Variants in LCMT1 observed in about 807,000 individuals in gnomAD.
The protein encoded by LCMT1 is [Phosphatase 2A protein]-leucine-carboxy methyltransferase 1.
A neutral mutation model predicts 47.7 loss-of-function variants in LCMT1; 32 were observed. The ratio of observed to expected loss-of-function variants is 0.67; its 90% CI spans 0.51 to 0.90. The LOEUF (loss-of-function observed/expected upper bound fraction) is 0.90. LCMT1 is among the 40% of genes least tolerant of loss of function. The probability of loss-of-function intolerance (pLI) is 0.00; values close to 1 mark genes in which losing one functional copy is unlikely to be tolerated. For synonymous variants in LCMT1, 152 were observed against 149.7 expected (o/e 1.02, Z -0.11); for missense variants, 375 against 415.2 (o/e 0.90, Z 0.84).
intron 1 of LCMT1, among the ~76,000 whole-genome samples, chr16:25,122,554 C>CCTGG (rs1960024724): frequency 6.6e-6 from 1 of 152,004 alleles, no homozygotes; most frequent in Non-Finnish European, 1.5e-5. Flanking sequence ...GTCTTGAACT[C>CCTGG]CTGGGCTCAG....
chr16:25,164,374 A>G (rs890608449), intron 6 of LCMT1, among the ~76,000 whole-genome samples: 4 of 152,226 alleles, frequency 2.6e-5, no homozygotes, highest in African/African-American at 7.2e-5. Context: ...ACATGTTTTC[A>G]TTGCCACACA....
At chr16:25,169,305 C>T in intron 8 of LCMT1, 92 bp downstream of exon 8, 1 of 839,552 alleles carries the variant, frequency 1.2e-6, no homozygotes. Context: ...ATGGAGAAGC[C>T]CTGTTCAGTG....
chr16:25,157,474 G>A (rs972801594), intron 5 of LCMT1, among the ~76,000 whole-genome samples: 2 of 151,960 alleles, frequency 1.3e-5, no homozygotes, highest in African/African-American at 4.8e-5. Context: ...CTGGGGGGTC[G>A]AGGCTGTAAT....
chr16:25,159,670 T>C lies in LCMT1; in HGVS notation c.467-1432T>C, dbSNP rs1447460762. 2.0e-5 allele frequency among the ~76,000 whole-genome samples: 3 copies of C among 152,154 alleles called. No homozygotes were observed. In the East Asian group the frequency reaches 5.8e-4, roughly 29 times the overall value. On this transcript the variant is annotated intron_variant, in intron 5 of 10. Coordinates refer to ENST00000399069, the MANE Select transcript of LCMT1 (RefSeq NM_016309.3). ...GCTTTCCTGACATCTAGCAGGCTCTTAGGAGGTGTTTCTTTAGCTTATGGT... is the reference window on the plus strand; with the variant it reads ...GCTTTCCTGACATCTAGCAGGCTCTCAGGAGGTGTTTCTTTAGCTTATGGT...
chr16:25,173,021 G>A (rs902447297), intron 9 of LCMT1, among the ~76,000 whole-genome samples: 1 of 152,244 alleles, frequency 6.6e-6, no homozygotes, highest in Non-Finnish European at 1.5e-5. Flanking sequence ...CGGGTAAGGA[G>A]ATTGGAAGGC....
chr16:25,116,073 G>C (rs57044426), intron 1 of LCMT1, among the ~76,000 whole-genome samples: 7,052 of 152,248 alleles, frequency 0.046, 525 homozygotes, highest in African/African-American at 0.16. Context: ...AAACAAGCTG[G>C]GTTTATTACT....
At chr16:25,175,774 T>C (rs1961912738) in intron 10 of LCMT1, among the ~76,000 whole-genome samples, 1 of 152,136 alleles carries the variant, frequency 6.6e-6, no homozygotes, top group African/African-American at 2.4e-5. Flanking sequence ...TTTGGAACTT[T>C]GGGCCCAGAA....
At chr16:25,163,630 A>T (rs879477548) in intron 6 of LCMT1, among the ~76,000 whole-genome samples, 1 of 152,188 alleles carries the variant, frequency 6.6e-6, no homozygotes, top group African/African-American at 2.4e-5. Context: ...GAAAAGAAAT[A>T]TAAAATAGCT....
intron 5 of LCMT1, among the ~76,000 whole-genome samples, chr16:25,155,453 A>G (rs1050247469): frequency 6.6e-6 from 1 of 151,980 alleles, no homozygotes; most frequent in Non-Finnish European, 1.5e-5. Context: ...AGGCTGAGAC[A>G]GGAGGATACC....
At chr16:25,167,896 G>T (rs1961632898) in intron 7 of LCMT1, among the ~76,000 whole-genome samples, 1 of 151,906 alleles carries the variant, frequency 6.6e-6, no homozygotes, top group African/African-American at 2.4e-5. Flanking sequence ...GAGTAACTGG[G>T]ATTACAGGCG....
At chr16:25,124,878 AGTGTT>A (rs1001476357) in intron 1 of LCMT1, among the ~76,000 whole-genome samples, 1 of 152,194 alleles carries the variant, frequency 6.6e-6, no homozygotes, top group African/African-American at 2.4e-5. Flanking sequence ...TATTTATTAC[AGTGTT>A]GTGTTAGAAA....
chr16:25,135,063 T>C (rs1016805927), intron 3 of LCMT1, among the ~76,000 whole-genome samples: 13 of 152,204 alleles, frequency 8.5e-5, no homozygotes, highest in African/African-American at 2.9e-4. Flanking sequence ...TTGTTTTTTT[T>C]CTCCCGTCTT....
intron 1 of LCMT1, among the ~76,000 whole-genome samples, chr16:25,123,458 C>T (rs1045196315): frequency 3.9e-5 from 6 of 151,944 alleles, no homozygotes; most frequent in African/African-American, 7.3e-5. Context: ...ATCCTGACCT[C>T]GGGTGATTCA....
At chr16:25,120,731 G>GTTTTTTTTTTT (rs1434579218) in intron 1 of LCMT1, among the ~76,000 whole-genome samples, 5 of 132,464 alleles carry the variant, frequency 3.8e-5, no homozygotes, top group African/African-American at 1.5e-4. Context: ...ACCTGGCCTT[G>GTTTTTTTTTTT]TTTTTTTGTT....
chr16:25,131,242 A>G (rs1479753774), intron 2 of LCMT1, among the ~76,000 whole-genome samples: 1 of 152,212 alleles, frequency 6.6e-6, no homozygotes, highest in Non-Finnish European at 1.5e-5. Context: ...ATGCAATTTT[A>G]TTTTGCATTC....
rs1959680301 is a variant in LCMT1 at position 25,113,143 on chromosome 16, A to AG, written c.113+1147_113+1148insG. Among the ~76,000 whole-genome samples the AG allele has an allele frequency of 5.4e-5, 8 of 148,110 alleles. No homozygotes were observed. The South Asian group carries it at 1.7e-3, about 31-fold the overall frequency. On this transcript the variant is annotated intron_variant, in intron 1 of 10. Coordinates refer to ENST00000399069, the MANE Select transcript of LCMT1 (RefSeq NM_016309.3). Reference sequence around the variant, plus strand: ...ATGAGAGTGCGAGACTATGTCTCAAAAAAAAAAAAAAAAAAAAGTGAGAAG... The same window carrying AG: ...ATGAGAGTGCGAGACTATGTCTCAAAGAAAAAAAAAAAAAAAAAGTGAGAAG...
At chr16:25,127,728 C>T (rs976500134) in intron 1 of LCMT1, among the ~76,000 whole-genome samples, 2 of 152,156 alleles carry the variant, frequency 1.3e-5, no homozygotes, top group Non-Finnish European at 2.9e-5. Flanking sequence ...CTCACAAAAT[C>T]GATGTTCAGA....
chr16:25,166,427 G>A (rs759298666), intron 7 of LCMT1, among the ~76,000 whole-genome samples: 3 of 151,888 alleles, frequency 2.0e-5, no homozygotes, highest in Non-Finnish European at 2.9e-5. Context: ...TTTGAGATAG[G>A]GTCTCACTGT....
chr16:25,166,435 T>C (rs985085219), intron 7 of LCMT1, among the ~76,000 whole-genome samples: 5 of 152,244 alleles, frequency 3.3e-5, no homozygotes, highest in African/African-American at 1.2e-4. Flanking sequence ...AGGGTCTCAC[T>C]GTATCACCCA....
Sources: gnomAD v4.1 joint callset for allele counts (sites outside exome capture counted in the v4.1 genomes callset) on GRCh38, gnomAD v4.1.1 for gene constraint, MANE v1.5 for transcripts, NCBI Gene and HGNC (gene_info 2026-07-23, HGNC 2026-07-21) for gene names.